HSD17B3: variants seen among roughly 807,000 people sequenced by gnomAD.
HSD17B3 encodes 17-beta-hydroxysteroid dehydrogenase type 3.
Under a neutral mutation model 41.1 loss-of-function variants are expected in HSD17B3, and 29 were observed. The observed-to-expected ratio is 0.71, with a 90% confidence interval of 0.53 to 0.96. The LOEUF (loss-of-function observed/expected upper bound fraction) is 0.96. Ranked by LOEUF, HSD17B3 falls within the 40% of genes least tolerant of loss-of-function variation. HSD17B3 has a pLI of 0.00. For missense variants in HSD17B3, 323 were observed against 374.6 expected, an observed-to-expected ratio of 0.86 and a Z score of 1.14; for synonymous variants, 126 against 145.6, an observed-to-expected ratio of 0.87 and a Z score of 0.97.
At chr9:96,237,710 C>T (rs1424038628) in intron 10 of HSD17B3, among the ~76,000 whole-genome samples, 1 of 152,292 alleles carries the variant, frequency 6.6e-6, no homozygotes. Flanking sequence ...TAATGATTAA[C>T]GTATTTTCAT....
chr9:96,244,150 G>T, intron 9 of HSD17B3, 179 bp downstream of exon 9: 1 of 705,046 alleles, frequency 1.4e-6, no homozygotes, highest in Non-Finnish European at 2.6e-6. Context: ...TGGGACTGAG[G>T]CGCCCCAAAA....
At chr9:96,238,066 T>C (rs1158395763) in intron 10 of HSD17B3, among the ~76,000 whole-genome samples, 1 of 152,050 alleles carries the variant, frequency 6.6e-6, no homozygotes, top group African/African-American at 2.4e-5. Context: ...GCCCAGGAGT[T>C]CAAAGAGGCT....
chr9:96,251,334 C>G (rs8190541), intron 5 of HSD17B3, 84 bp downstream of exon 5: 7 of 1,166,216 alleles, frequency 6.0e-6, no homozygotes, highest in East Asian at 2.3e-5. Flanking sequence ...TTCCATCACG[C>G]CTTCCCAGGC....
At chr9:96,285,695 T>C (rs1269294697) in intron 2 of HSD17B3, among the ~76,000 whole-genome samples, 4 of 152,202 alleles carry the variant, frequency 2.6e-5, no homozygotes, top group Non-Finnish European at 5.9e-5. Flanking sequence ...TTGTTGGAAC[T>C]TGGAGTTATG....
chr9:96,274,829 T>C (rs188497379), intron 2 of HSD17B3, among the ~76,000 whole-genome samples: 20 of 152,266 alleles, frequency 1.3e-4, no homozygotes, highest in African/African-American at 4.6e-4. Context: ...GCAACAGGCT[T>C]ATGTGAAAAA....
At chr9:96,287,440 G>A (rs1826967298) in intron 2 of HSD17B3, among the ~76,000 whole-genome samples, 1 of 152,224 alleles carries the variant, frequency 6.6e-6, no homozygotes. Context: ...GCCGGGCGTG[G>A]TGGCTCACGC....
chr9:96,279,567 G>A (rs1399867997), intron 2 of HSD17B3, among the ~76,000 whole-genome samples: 2 of 152,244 alleles, frequency 1.3e-5, no homozygotes, highest in East Asian at 3.9e-4. Context: ...CAGACTCCCA[G>A]TTAATTCTCT....
At chr9:96,256,907 A>T (rs1825683186) in intron 2 of HSD17B3, among the ~76,000 whole-genome samples, 2 of 151,896 alleles carry the variant, frequency 1.3e-5, no homozygotes, top group Admixed American at 1.3e-4. Flanking sequence ...AGGTGATTGG[A>T]TCGTGGGGGC....
intron 2 of HSD17B3, among the ~76,000 whole-genome samples, chr9:96,271,138 T>G (rs1449124793): frequency 2.0e-5 from 3 of 152,058 alleles, no homozygotes; most frequent in African/African-American, 7.2e-5. Context: ...AAATGAAAAT[T>G]CACCTTAGTG....
chr9:96,240,603 C>T lies in HSD17B3; in HGVS notation c.822+155G>A, dbSNP rs8190556. On this transcript the variant is annotated intron_variant, in intron 10 of 10. Transcript: ENST00000375263. ...ATCTAGTGGCTGAGCTCCCAGGCTCCGGCTTCTCTCCACCTCGCCACATAG... is the reference window on the plus strand; with the variant it reads ...ATCTAGTGGCTGAGCTCCCAGGCTCTGGCTTCTCTCCACCTCGCCACATAG... 0.017 allele frequency among the ~76,000 whole-genome samples: 2,540 copies of T among 152,190 alleles called. 73 individuals are homozygous for T. The highest frequency in any genetic ancestry group is 0.058 in the African/African-American group (2,413 of 41,522).
intron 2 of HSD17B3, among the ~76,000 whole-genome samples, chr9:96,257,625 G>A (rs1263036931): frequency 6.6e-6 from 1 of 152,112 alleles, no homozygotes; most frequent in East Asian, 1.9e-4. Context: ...AGTCCACGAA[G>A]AACCACTTCA....
intron 2 of HSD17B3, among the ~76,000 whole-genome samples, chr9:96,271,242 T>C (rs1463351326): frequency 6.6e-6 from 1 of 152,192 alleles, no homozygotes; most frequent in East Asian, 1.9e-4. Context: ...CTGTGTGCCT[T>C]TGCTGTGGTC....
At chr9:96,262,092 C>CT (rs976544549) in intron 2 of HSD17B3, among the ~76,000 whole-genome samples, 1 of 152,086 alleles carries the variant, frequency 6.6e-6, no homozygotes, top group African/African-American at 2.4e-5. Context: ...TAAAGAGACA[C>CT]TTAGAAACAG....
chr9:96,238,580 G>A (rs1836314730), intron 10 of HSD17B3, among the ~76,000 whole-genome samples: 1 of 152,068 alleles, frequency 6.6e-6, no homozygotes, highest in Admixed American at 6.5e-5. Context: ...GAGAATCGCT[G>A]GAACCTGGGA....
intron 2 of HSD17B3, among the ~76,000 whole-genome samples, chr9:96,290,827 G>A (rs894113572): frequency 6.6e-6 from 1 of 151,624 alleles, no homozygotes; most frequent in Non-Finnish European, 1.5e-5. Flanking sequence ...GAGTGAGACC[G>A]GGCAAAAGAA....
At chr9:96,245,546 G>A (rs1248819062) in intron 7 of HSD17B3, 120 bp from the exon 8 acceptor site, 1 of 744,984 alleles carries the variant, frequency 1.3e-6, no homozygotes, top group African/African-American at 1.7e-5. Context: ...GCTTCCGCAA[G>A]TGCTAGGGGC....
chr9:96,301,908 G>C (rs758498508), intron 1 of HSD17B3, 43 bp downstream of exon 1: 2 of 1,583,156 alleles, frequency 1.3e-6, no homozygotes, highest in Non-Finnish European at 1.7e-6. Context: ...TAACAAGCAG[G>C]AACAACAGCA....
intron 1 of HSD17B3, 137 bp from the exon 2 acceptor site, chr9:96,298,599 C>T (rs934405504): frequency 6.0e-5 from 46 of 771,778 alleles, no homozygotes; most frequent in South Asian, 4.9e-4. Flanking sequence ...CTCCAGCCCA[C>T]GCCCTTGAAG....
At chr9:96,254,747 G>C in intron 3 of HSD17B3, 121 bp downstream of exon 3, 2 of 833,590 alleles carry the variant, frequency 2.4e-6, no homozygotes, top group South Asian at 2.9e-5. Flanking sequence ...CTCCCCAGGA[G>C]AGCTGGTGCC....
Sources: allele counts gnomAD v4.1 joint callset (sites outside exome capture counted in the v4.1 genomes callset), GRCh38; gene constraint gnomAD v4.1.1; transcripts MANE v1.5; gene names NCBI Gene and HGNC (gene_info 2026-07-23, HGNC 2026-07-21).